Variants in ACO2 observed in about 807,000 individuals in gnomAD.
The protein encoded by ACO2 is aconitate hydratase, mitochondrial.
ACO2 carries 31 observed loss-of-function variants against 84.5 expected under a neutral mutation model. The ratio of observed to expected loss-of-function variants is 0.37; its 90% CI spans 0.28 to 0.50. The LOEUF (loss-of-function observed/expected upper bound fraction) is 0.50. Ranked by LOEUF, ACO2 falls within the 20% of genes least tolerant of loss-of-function variation. The pLI, the probability that ACO2 is intolerant of heterozygous loss-of-function variation, is 0.97. For synonymous variants in ACO2, 414 were observed against 412.7 expected, an observed-to-expected ratio of 1.00 and a Z score of -0.04; for missense variants, 685 against 1,029.3, an observed-to-expected ratio of 0.67 and a Z score of 4.58.
intron 8 of ACO2, among the ~76,000 whole-genome samples, 170 bp downstream of exon 8, chr22:41,518,742 T>C (rs1487162221): frequency 1.3e-5 from 2 of 149,634 alleles, no homozygotes; most frequent in Non-Finnish European, 3.0e-5. Context: ...AAGACCAGCC[T>C]GTCCAACATA....
intron 8 of ACO2, 96 bp from the exon 9 acceptor site, chr22:41,520,075 C>T (rs1443587315): frequency 8.2e-6 from 9 of 1,100,970 alleles, no homozygotes; most frequent in Non-Finnish European, 1.2e-5. Flanking sequence ...TCGTTGGCCT[C>T]TCTGTGGGGA....
chr22:41,517,705 T>A, intron 7 of ACO2, 74 bp downstream of exon 7: 1 of 1,366,064 alleles, frequency 7.3e-7, no homozygotes, highest in Non-Finnish European at 1.0e-6. Flanking sequence ...GAGCTATGCC[T>A]TTCCCTGTAG....
chr22:41,501,273 A>G (rs2066351970), intron 2 of ACO2, among the ~76,000 whole-genome samples: 1 of 152,196 alleles, frequency 6.6e-6, no homozygotes, highest in Non-Finnish European at 1.5e-5. Context: ...AAGTGCTGGG[A>G]TTACAGGCGC....
chr22:41,510,676 T>C (rs1234687165), intron 3 of ACO2, among the ~76,000 whole-genome samples: 1 of 152,196 alleles, frequency 6.6e-6, no homozygotes, highest in East Asian at 1.9e-4. Context: ...GTTTTGTTAC[T>C]GGGGTCAGTC....
chr22:41,469,379 T>C (rs2037911801), intron 1 of ACO2, 197 bp downstream of exon 1: 1 of 559,748 alleles, frequency 1.8e-6, no homozygotes, highest in Non-Finnish European at 3.0e-6. Flanking sequence ...TCAGCTTTCC[T>C]GGCCCTGTCC....
intron 13 of ACO2, 78 bp from the exon 14 acceptor site, chr22:41,525,115 G>C: frequency 6.3e-7 from 1 of 1,594,914 alleles, no homozygotes; most frequent in Non-Finnish European, 8.6e-7. Context: ...TGGGGCCCGA[G>C]GAAACTTGCC....
At chr22:41,489,279 A>G (rs1169332269) in intron 1 of ACO2, among the ~76,000 whole-genome samples, 1 of 152,202 alleles carries the variant, frequency 6.6e-6, no homozygotes, top group African/African-American at 2.4e-5. Context: ...CCTGGGCTCA[A>G]ACCATCCTTC....
At chr22:41,485,540 A>C (rs2038142871) in intron 1 of ACO2, among the ~76,000 whole-genome samples, 1 of 143,980 alleles carries the variant, frequency 6.9e-6, no homozygotes, top group Non-Finnish European at 1.5e-5. Flanking sequence ...TCTCAGGTTC[A>C]CGCCATTCTC....
At chr22:41,507,031 C>T (rs1251459383) in intron 2 of ACO2, among the ~76,000 whole-genome samples, 1 of 151,372 alleles carries the variant, frequency 6.6e-6, no homozygotes, top group Admixed American at 6.6e-5. Context: ...CTGACAGGGC[C>T]GGACCCCAGG....
chr22:41,517,717 G>C, intron 7 of ACO2, 86 bp downstream of exon 7: 2 of 1,253,490 alleles, frequency 1.6e-6, no homozygotes, highest in Non-Finnish European at 2.3e-6. Context: ...TCCCTGTAGG[G>C]CAGGGGTTCT....
chr22:41,474,222 G>A (rs1378805103), intron 1 of ACO2, among the ~76,000 whole-genome samples: 1 of 151,868 alleles, frequency 6.6e-6, no homozygotes, highest in African/African-American at 2.4e-5. Flanking sequence ...TGACTCCTGG[G>A]TTTGGGGTCT....
At chr22:41,511,542 T>C (rs1441236308) in intron 3 of ACO2, among the ~76,000 whole-genome samples, 1 of 152,248 alleles carries the variant, frequency 6.6e-6, no homozygotes, top group Non-Finnish European at 1.5e-5. Flanking sequence ...ACAGGCACTC[T>C]TGGCAATTAT....
chr22:41,518,401 G>A, intron 7 of ACO2, 80 bp from the exon 8 acceptor site: 2 of 1,083,318 alleles, frequency 1.8e-6, no homozygotes, highest in African/African-American at 1.5e-5. Flanking sequence ...TGTTTGGCAG[G>A]TGCTCAGGTG....
intron 2 of ACO2, among the ~76,000 whole-genome samples, chr22:41,501,113 C>T (rs1193285165): frequency 1.3e-5 from 2 of 152,120 alleles, no homozygotes; most frequent in Non-Finnish European, 2.9e-5. Flanking sequence ...GAGTGATCCT[C>T]CCACCTCAGC....
rs1361785262 is a variant in ACO2 at position 41,528,004 on chromosome 22, G to A, written c.2190G>A (p.Lys730=). ...PVDKLTIQGL[K]DFTPGKPLKC... ...ACAAGCTGACCATTCAGGGCCTGAA[G>A]GACTTCACCCCTGGCAAGGTTAGGG... is the stretch of plus-strand genomic sequence containing the variant. Residue 730 remains lysine, a synonymous_variant, in exon 17 of 18, where the codon AAG becomes AAA. Coordinates refer to ENST00000216254, the MANE Select transcript of ACO2 (RefSeq NM_001098.3). 8.7e-6 allele frequency: 14 copies of A among 1,614,166 alleles called. No individual in the cohort carries two copies. Among genetic ancestry groups the A allele is most frequent in the Non-Finnish European group, 1.2e-5 (14 of 1,180,018 alleles).
chr22:41,473,363 G>A (rs575901004), intron 1 of ACO2, among the ~76,000 whole-genome samples: 1 of 152,148 alleles, frequency 6.6e-6, no homozygotes, highest in Non-Finnish European at 1.5e-5. Flanking sequence ...AATAAGCCGG[G>A]TGTGGTGGCA....
At chr22:41,479,117 A>G (rs1309540687) in intron 1 of ACO2, among the ~76,000 whole-genome samples, 1 of 152,176 alleles carries the variant, frequency 6.6e-6, no homozygotes, top group African/African-American at 2.4e-5. Flanking sequence ...AGTCATCTAA[A>G]TAGCTATAAT....
intron 1 of ACO2, among the ~76,000 whole-genome samples, chr22:41,497,950 C>T (rs2066326980): frequency 6.6e-6 from 1 of 151,772 alleles, no homozygotes; most frequent in South Asian, 2.1e-4. Context: ...TCGAGAACAT[C>T]CTGGCCAACA....
At chr22:41,518,420 G>T in intron 7 of ACO2, 61 bp from the exon 8 acceptor site, 1 of 1,350,120 alleles carries the variant, frequency 7.4e-7, no homozygotes. Context: ...TGGGTGGTGA[G>T]TGAACTCTCA....
Sources: gnomAD v4.1 joint callset for allele counts (sites outside exome capture counted in the v4.1 genomes callset) on GRCh38, gnomAD v4.1.1 for gene constraint, MANE v1.5 for transcripts, NCBI Gene and HGNC (gene_info 2026-07-23, HGNC 2026-07-21) for gene names.